DLGAP2: variants seen among roughly 807,000 people sequenced by gnomAD.
DLGAP2 encodes the protein disks large-associated protein 2.
A neutral mutation model predicts 100.3 loss-of-function variants in DLGAP2; 26 were observed. That is an observed-to-expected ratio of 0.26 (90% CI 0.19 to 0.36). The LOEUF is 0.36. Among genes scored for constraint, DLGAP2 ranks in the 10% least tolerant of loss-of-function variants. DLGAP2 has a pLI of 1.00. For synonymous variants in DLGAP2, 886 were observed against 630.1 expected, an observed-to-expected ratio of 1.41 and a Z score of -6.08; for missense variants, 1,858 against 1,453.2, an observed-to-expected ratio of 1.28 and a Z score of -4.53.
At chr8:1,065,963 G>A (rs553791249) in intron 2 of DLGAP2, among the ~76,000 whole-genome samples, 3 of 152,328 alleles carry the variant, frequency 2.0e-5, no homozygotes, top group East Asian at 1.9e-4. Flanking sequence ...AGACACTGCC[G>A]AGCTGGACAC....
At chr8:1,168,572 T>C (rs1797065305) in intron 2 of DLGAP2, among the ~76,000 whole-genome samples, 1 of 148,814 alleles carries the variant, frequency 6.7e-6, no homozygotes, top group Non-Finnish European at 1.5e-5. Flanking sequence ...TGATCGCCAT[T>C]CTAACAGGTG....
chr8:1,472,914 T>G (rs1307938898), intron 3 of DLGAP2, among the ~76,000 whole-genome samples: 1 of 152,218 alleles, frequency 6.6e-6, no homozygotes. Flanking sequence ...GAGGGAAAAC[T>G]TATGTCCTCA....
intron 2 of DLGAP2, among the ~76,000 whole-genome samples, chr8:1,240,032 C>T (rs1244341520): frequency 8.8e-5 from 12 of 136,172 alleles, no homozygotes; most frequent in East Asian, 4.6e-4. Flanking sequence ...CACATGGCGC[C>T]GTGTCTAGTT....
At chr8:1,012,482 C>T (rs556798625) in intron 2 of DLGAP2, among the ~76,000 whole-genome samples, 18 of 151,264 alleles carry the variant, frequency 1.2e-4, no homozygotes, top group African/African-American at 4.1e-4. Context: ...GTGTGGACAC[C>T]GTCTGACCAG....
At chr8:1,194,498 C>A (rs573536088) in intron 2 of DLGAP2, among the ~76,000 whole-genome samples, 1 of 152,114 alleles carries the variant, frequency 6.6e-6, no homozygotes, top group Non-Finnish European at 1.5e-5. Flanking sequence ...CAGGTCATCC[C>A]CAGGGGTCCC....
At chr8:763,048 A>G in intron 1 of DLGAP2, among the ~76,000 whole-genome samples, 1 of 151,884 alleles carries the variant, frequency 6.6e-6, no homozygotes, top group Non-Finnish European at 1.5e-5. Context: ...TTCACGAGTT[A>G]TTCAAAGAGG....
At chr8:1,142,127 A>G (rs1027923336) in intron 2 of DLGAP2, among the ~76,000 whole-genome samples, 1 of 152,072 alleles carries the variant, frequency 6.6e-6, no homozygotes, top group African/African-American at 2.4e-5. Flanking sequence ...TTCCTAAGAA[A>G]TCTTTGGAAA....
At chr8:879,051 T>G (rs1028293927) in intron 1 of DLGAP2, among the ~76,000 whole-genome samples, 14 of 152,216 alleles carry the variant, frequency 9.2e-5, no homozygotes, top group African/African-American at 3.4e-4. Flanking sequence ...CAAAACCAAC[T>G]AGGTTGTGTG....
At chr8:1,606,398 T>C (rs2956958) in intron 6 of DLGAP2, among the ~76,000 whole-genome samples, 41,496 of 152,012 alleles carry the variant, frequency 0.27, 6,524 homozygotes, top group East Asian at 0.49. Context: ...CCCTGTACCG[T>C]CACTCCCCAC....
At chr8:796,233 T>C (rs2132647296) in intron 1 of DLGAP2, among the ~76,000 whole-genome samples, 1 of 152,238 alleles carries the variant, frequency 6.6e-6, no homozygotes, top group South Asian at 2.1e-4. Context: ...AGCAGGTGAA[T>C]TCACGACCGG....
chr8:1,585,662 A>G (rs1390542784), intron 6 of DLGAP2, among the ~76,000 whole-genome samples: 1 of 152,242 alleles, frequency 6.6e-6, no homozygotes, highest in East Asian at 1.9e-4. Flanking sequence ...AGACATCCCT[A>G]GAGATGCGTC....
chr8:1,431,897 C>T (rs545833691), intron 3 of DLGAP2, among the ~76,000 whole-genome samples: 15 of 150,058 alleles, frequency 1.0e-4, no homozygotes, highest in South Asian at 4.2e-4. Context: ...AGCACCGCTA[C>T]GGCTGCCATC....
intron 3 of DLGAP2, among the ~76,000 whole-genome samples, chr8:1,318,742 C>CT (rs1800824363): frequency 1.3e-5 from 2 of 150,846 alleles, no homozygotes; most frequent in Non-Finnish European, 2.9e-5. Flanking sequence ...TATATTTTTA[C>CT]TGTTTTCATT....
chr8:1,355,124 C>T (rs990846920), intron 3 of DLGAP2, among the ~76,000 whole-genome samples: 8 of 152,180 alleles, frequency 5.3e-5, no homozygotes, highest in Non-Finnish European at 7.3e-5. Context: ...CGGAAATGTG[C>T]GTTGTATGTT....
intron 1 of DLGAP2, chr8:891,741 C>G (rs1387290434): frequency 6.6e-6 from 1 of 152,294 alleles, no homozygotes; most frequent in Non-Finnish European, 1.5e-5. Context: ...CTAAAAGACA[C>G]TGTGGAGTGC....
intron 3 of DLGAP2, among the ~76,000 whole-genome samples, chr8:1,474,804 C>T (rs577915341): frequency 6.6e-6 from 1 of 152,264 alleles, no homozygotes; most frequent in African/African-American, 2.4e-5. Flanking sequence ...TGGTTCAGCC[C>T]CTGTGGAAAG....
intron 3 of DLGAP2, among the ~76,000 whole-genome samples, chr8:1,479,526 T>C (rs1799031191): frequency 6.6e-6 from 1 of 152,144 alleles, no homozygotes; most frequent in East Asian, 1.9e-4. Flanking sequence ...GAAAGTGGTG[T>C]TTACTTGATG....
chr8:1,434,226 A>C (rs987502655), intron 3 of DLGAP2, among the ~76,000 whole-genome samples: 4 of 152,130 alleles, frequency 2.6e-5, no homozygotes, highest in African/African-American at 9.7e-5. Context: ...GTGGATTCTC[A>C]GACTGGCCCT....
chr8:1,641,574 C>G (rs145519237), intron 8 of DLGAP2, among the ~76,000 whole-genome samples: 1 of 152,118 alleles, frequency 6.6e-6, no homozygotes, highest in African/African-American at 2.4e-5. Flanking sequence ...CAGTTGACAA[C>G]GATCTGCGTC....
Sources: gnomAD v4.1 joint callset for allele counts (sites outside exome capture counted in the v4.1 genomes callset) on GRCh38, gnomAD v4.1.1 for gene constraint, MANE v1.5 for transcripts, NCBI Gene and HGNC (gene_info 2026-07-23, HGNC 2026-07-21) for gene names.